Variants in AKT3 observed in about 807,000 individuals in gnomAD.
The protein encoded by AKT3 is AKT serine/threonine kinase 3.
In AKT3, 15 loss-of-function variants were observed where a neutral mutation model predicts 65.3. The ratio of observed to expected loss-of-function variants is 0.23; its 90% CI spans 0.15 to 0.35. The LOEUF is 0.35. AKT3 is among the 10% of genes least tolerant of loss of function. The probability of loss-of-function intolerance (pLI) is 1.00; values close to 1 mark genes in which losing one functional copy is unlikely to be tolerated. For missense variants in AKT3, 243 were observed against 576.5 expected (o/e 0.42, Z 5.92); for synonymous variants, 206 against 183.8 (o/e 1.12, Z -0.98).
intron 2 of AKT3, among the ~76,000 whole-genome samples, chr1:243,718,526 T>G (rs1001942362): frequency 1.3e-5 from 2 of 152,174 alleles, no homozygotes; most frequent in African/African-American, 4.8e-5. Flanking sequence ...CTTGGCTCAC[T>G]GCGATCTCTG....
intron 1 of AKT3, among the ~76,000 whole-genome samples, chr1:243,844,505 G>A (rs1198073663): frequency 6.6e-6 from 1 of 152,118 alleles, no homozygotes; most frequent in Non-Finnish European, 1.5e-5. Context: ...TTGAGATGGG[G>A]TTTCCCCCCA....
At chr1:243,720,429 TAAAAAAAAA>T (rs66716743) in intron 2 of AKT3, among the ~76,000 whole-genome samples, 1 of 96,044 alleles carries the variant, frequency 1.0e-5, no homozygotes, top group African/African-American at 4.8e-5. Flanking sequence ...AAAGACATAG[TAAAAAAAAA>T]AAAAAAAAAA....
At chr1:243,760,702 T>C (rs1469976989) in intron 2 of AKT3, among the ~76,000 whole-genome samples, 1 of 152,168 alleles carries the variant, frequency 6.6e-6, no homozygotes, top group Admixed American at 6.5e-5. Context: ...TTCACAGTAT[T>C]TAGTGCCATG....
At chr1:243,712,504 T>C (rs892247076) in intron 2 of AKT3, among the ~76,000 whole-genome samples, 37 of 152,292 alleles carry the variant, frequency 2.4e-4, no homozygotes, top group African/African-American at 6.7e-4. Context: ...TAGGAAGGCA[T>C]GAGTTCCAAA....
At chr1:243,531,414 A>G (rs1254708811) in intron 12 of AKT3, among the ~76,000 whole-genome samples, 1 of 152,170 alleles carries the variant, frequency 6.6e-6, no homozygotes, top group African/African-American at 2.4e-5. Flanking sequence ...GAGAATGGCA[A>G]TCACCTATGA....
intron 4 of AKT3, among the ~76,000 whole-genome samples, chr1:243,652,300 T>C (rs1369146472): frequency 2.6e-5 from 4 of 152,116 alleles, no homozygotes; most frequent in Non-Finnish European, 5.9e-5. Flanking sequence ...TCCACCCGCC[T>C]TGGCCTCCCA....
At position 243,801,650 on chromosome 1, in the gene AKT3, TAAAG is replaced by T. The variant is rs577734910; in HGVS notation, c.46+41471_46+41474del. ...GAGTTCAAGAAGAGCTACTTAGAAA[TAAAG>T]AAACAAATTCAGATCATGATAGCCA... On this transcript the variant is annotated intron_variant, in intron 2 of 13. Transcript: ENST00000673466. 5.3e-5 allele frequency among the ~76,000 whole-genome samples: 8 copies of T among 152,150 alleles called. No individual in the cohort carries two copies. In the South Asian group the frequency reaches 1.7e-3, roughly 32 times the overall value.
At chr1:243,757,257 A>G (rs141698100) in intron 2 of AKT3, among the ~76,000 whole-genome samples, 4 of 152,352 alleles carry the variant, frequency 2.6e-5, no homozygotes, top group African/African-American at 9.6e-5. Context: ...GAGCATGTCA[A>G]TGCTACAAAA....
rs73122381 is a variant in AKT3, at chr1:243,590,661, T to A, written c.697-17613A>T. ...ACAAACAACATCTAAAATAAAAAAT[T>A]CACTAGATGGAATTAACAGATTCGA... On this transcript the variant is annotated intron_variant, in intron 8 of 13. Transcript: ENST00000673466. 6.5e-3 allele frequency among the ~76,000 whole-genome samples: 995 copies of A among 152,090 alleles called. 10 individuals are homozygous for A. The highest frequency in any genetic ancestry group is 0.023 in the African/African-American group (962 of 41,492).
At chr1:243,681,593 CAAT>C (rs1461193124) in intron 3 of AKT3, among the ~76,000 whole-genome samples, 4 of 152,300 alleles carry the variant, frequency 2.6e-5, no homozygotes, top group East Asian at 1.9e-4. Context: ...CTCCTGACAA[CAAT>C]GAGAGTCCAC....
intron 1 of AKT3, among the ~76,000 whole-genome samples, chr1:243,847,559 T>C (rs796389255): frequency 3.9e-5 from 6 of 152,306 alleles, no homozygotes; most frequent in African/African-American, 1.4e-4. Context: ...ACTGAATTTT[T>C]ATGAGAAAAT....
intron 4 of AKT3, among the ~76,000 whole-genome samples, chr1:243,664,095 A>C (rs922925129): frequency 6.6e-6 from 1 of 151,980 alleles, no homozygotes; most frequent in African/African-American, 2.4e-5. Context: ...GTTACTTGAA[A>C]TCTTTTACTA....
At chr1:243,803,645 TACACACACACACACACACACACACACAC>T (rs72379577) in intron 2 of AKT3, among the ~76,000 whole-genome samples, 1 of 136,628 alleles carries the variant, frequency 7.3e-6, no homozygotes, top group Non-Finnish European at 1.6e-5. Context: ...GACGTACATG[TACACACACACACACACACACACACACAC>T]ACACACACAC....
intron 8 of AKT3, among the ~76,000 whole-genome samples, chr1:243,578,838 G>T (rs1374926005): frequency 1.3e-5 from 2 of 152,122 alleles, no homozygotes; most frequent in Non-Finnish European, 2.9e-5. Flanking sequence ...AAAAGCTGCA[G>T]ACACAATGAG....
downstream of AKT3, among the ~76,000 whole-genome samples, chr1:243,497,363 C>T (rs190122708): frequency 3.5e-5 from 5 of 143,340 alleles, no homozygotes; most frequent in South Asian, 2.2e-4. Flanking sequence ...GAGCAGTGAA[C>T]GGTAAGTTCA....
At chr1:243,706,553 A>G (rs1685810474) in intron 2 of AKT3, among the ~76,000 whole-genome samples, 1 of 152,224 alleles carries the variant, frequency 6.6e-6, no homozygotes, top group African/African-American at 2.4e-5. Context: ...AAAGTCTAGT[A>G]GTATGGACCC....
chr1:243,592,871 T>C (rs1235903998), intron 8 of AKT3, among the ~76,000 whole-genome samples: 1 of 152,158 alleles, frequency 6.6e-6, no homozygotes, highest in Non-Finnish European at 1.5e-5. Context: ...TAATAATGCA[T>C]AGTGGCATTT....
At chr1:243,680,697 A>C (rs1429535431) in intron 3 of AKT3, among the ~76,000 whole-genome samples, 2 of 152,198 alleles carry the variant, frequency 1.3e-5, no homozygotes, top group Non-Finnish European at 2.9e-5. Context: ...TCAACTTGTT[A>C]AAAATGCAAT....
At chr1:243,820,199 G>A (rs144153979) in intron 2 of AKT3, among the ~76,000 whole-genome samples, 1,602 of 152,276 alleles carry the variant, frequency 0.011, 72 homozygotes, top group East Asian at 0.092. Flanking sequence ...GATTACAGGC[G>A]TAAGCCACCA....
Sources: allele counts gnomAD v4.1 joint callset (sites outside exome capture counted in the v4.1 genomes callset), GRCh38; gene constraint gnomAD v4.1.1; transcripts MANE v1.5; gene names NCBI Gene and HGNC (gene_info 2026-07-23, HGNC 2026-07-21).